CNTN4: variants seen among roughly 807,000 people sequenced by gnomAD.
CNTN4 encodes the protein contactin 4, also known as contactin-4.
In CNTN4, 77 loss-of-function variants were observed where a neutral mutation model predicts 122.5. The observed-to-expected ratio is 0.63, with a 90% CI of 0.52 to 0.76. CNTN4 has a LOEUF of 0.76. CNTN4 is among the 30% of genes least tolerant of loss of function. The pLI is 0.00. For synonymous variants in CNTN4, 512 were observed against 447.0 expected, an observed-to-expected ratio of 1.15 and a Z score of -1.83; for missense variants, 1,256 against 1,259.1, an observed-to-expected ratio of 1.00 and a Z score of 0.04.
chr3:3,006,558 G>T (rs930007601), intron 14 of CNTN4, among the ~76,000 whole-genome samples: 1 of 152,116 alleles, frequency 6.6e-6, no homozygotes, highest in Non-Finnish European at 1.5e-5. Context: ...TCAAGCTAAG[G>T]CCCAATAATT....
At chr3:2,148,299 C>T (rs534132876) in intron 2 of CNTN4, among the ~76,000 whole-genome samples, 6 of 151,954 alleles carry the variant, frequency 3.9e-5, no homozygotes, top group Admixed American at 3.3e-4. Flanking sequence ...TTTGGGAGGC[C>T]TAGGTGAGAG....
At chr3:2,556,814 A>T (rs946754709) in intron 3 of CNTN4, among the ~76,000 whole-genome samples, 1 of 152,138 alleles carries the variant, frequency 6.6e-6, no homozygotes, top group African/African-American at 2.4e-5. Flanking sequence ...GTCCAAACTT[A>T]AGGGTGTGTG....
chr3:2,886,617 TTC>T (rs1353599280), intron 9 of CNTN4, among the ~76,000 whole-genome samples: 3 of 151,004 alleles, frequency 2.0e-5, no homozygotes, highest in Non-Finnish European at 4.4e-5. Context: ...GTTCAAGTGA[TTC>T]TCCTGCCTCA....
chr3:2,654,008 G>A (rs943374267), intron 4 of CNTN4, among the ~76,000 whole-genome samples: 1 of 152,186 alleles, frequency 6.6e-6, no homozygotes, highest in Non-Finnish European at 1.5e-5. Flanking sequence ...TTTTATTGTT[G>A]TTAATTCTTT....
At chr3:2,824,614 C>T (rs571573112) in intron 7 of CNTN4, among the ~76,000 whole-genome samples, 23 of 152,268 alleles carry the variant, frequency 1.5e-4, no homozygotes, top group Admixed American at 5.9e-4. Flanking sequence ...TCACTCAAGC[C>T]GAAGGGCTGA....
chr3:2,302,855 CTG>C (rs1559433269), intron 2 of CNTN4, among the ~76,000 whole-genome samples: 4 of 133,468 alleles, frequency 3.0e-5, no homozygotes, highest in Non-Finnish European at 6.2e-5. Context: ...GCCAAGCACA[CTG>C]TATGTGCTTC....
intron 4 of CNTN4, among the ~76,000 whole-genome samples, chr3:2,623,997 T>C (rs2082086956): frequency 2.0e-5 from 3 of 152,252 alleles, no homozygotes; most frequent in Non-Finnish European, 4.4e-5. Flanking sequence ...TTTGATCAGC[T>C]ACAGTGGCTT....
chr3:2,974,606 G>A (rs1693245716), intron 13 of CNTN4, among the ~76,000 whole-genome samples: 1 of 152,156 alleles, frequency 6.6e-6, no homozygotes, highest in Admixed American at 6.5e-5. Context: ...CATCAATGTG[G>A]CCGAAATGGA....
chr3:2,217,448 G>A (rs907107450), intron 2 of CNTN4, among the ~76,000 whole-genome samples: 3 of 152,156 alleles, frequency 2.0e-5, no homozygotes, highest in African/African-American at 7.2e-5. Context: ...ATTTCATGCT[G>A]TTTGAAACAA....
chr3:2,932,773 G>T (rs1301178080), intron 13 of CNTN4, among the ~76,000 whole-genome samples: 1 of 151,796 alleles, frequency 6.6e-6, no homozygotes, highest in African/African-American at 2.4e-5. Context: ...AGGAGGGAGG[G>T]TGGACAAAGA....
At chr3:2,685,619 T>G (rs1046665367) in intron 4 of CNTN4, among the ~76,000 whole-genome samples, 1 of 152,196 alleles carries the variant, frequency 6.6e-6, no homozygotes, top group East Asian at 1.9e-4. Context: ...TGGTATTGAT[T>G]TAAATGAGAA....
chr3:2,966,550 A>G (rs1286886565), intron 13 of CNTN4, among the ~76,000 whole-genome samples: 15 of 152,222 alleles, frequency 9.9e-5, no homozygotes, highest in Non-Finnish European at 2.9e-5. Context: ...AAGAAAATCT[A>G]TCATTCAATA....
intron 16 of CNTN4, among the ~76,000 whole-genome samples, chr3:3,032,439 G>A (rs1224506346): frequency 6.6e-6 from 1 of 152,138 alleles, no homozygotes; most frequent in Non-Finnish European, 1.5e-5. Context: ...ATTTGCAAAC[G>A]CAGTCTAAAA....
intron 4 of CNTN4, among the ~76,000 whole-genome samples, chr3:2,670,495 G>A (rs984573682): frequency 3.9e-5 from 6 of 152,098 alleles, no homozygotes; most frequent in South Asian, 2.1e-4. Context: ...GTCTCTGCAC[G>A]TGGGATGGGT....
At chr3:2,488,007 A>T (rs1294997348) in intron 3 of CNTN4, among the ~76,000 whole-genome samples, 12 of 152,182 alleles carry the variant, frequency 7.9e-5, no homozygotes, top group Admixed American at 7.9e-4. Flanking sequence ...AGACACTTCT[A>T]GTTTCTCCCT....
chr3:2,816,487 T>G (rs2150204023), intron 6 of CNTN4, among the ~76,000 whole-genome samples: 1 of 152,040 alleles, frequency 6.6e-6, no homozygotes, highest in Non-Finnish European at 1.5e-5. Context: ...TGTATACTGC[T>G]TGGGTGATGG....
chr3:2,174,354 A>G (rs912916938), intron 2 of CNTN4, among the ~76,000 whole-genome samples: 17 of 152,206 alleles, frequency 1.1e-4, no homozygotes, highest in African/African-American at 4.1e-4. Flanking sequence ...AGCATAACAT[A>G]GACTGGGTGG....
chr3:2,806,805 G>A (rs1184956338), intron 6 of CNTN4, among the ~76,000 whole-genome samples: 2 of 152,062 alleles, frequency 1.3e-5, no homozygotes, highest in African/African-American at 2.4e-5. Context: ...TGGCAGCCTC[G>A]ATGGGGGACG....
chr3:2,670,784 G>A (rs1576406647), intron 4 of CNTN4, among the ~76,000 whole-genome samples: 1 of 152,096 alleles, frequency 6.6e-6, no homozygotes, highest in African/African-American at 2.4e-5. Context: ...TTTAGGACAG[G>A]CCTGGTGGTG....
Sources: gnomAD v4.1 joint callset for allele counts (sites outside exome capture counted in the v4.1 genomes callset) on GRCh38, gnomAD v4.1.1 for gene constraint, MANE v1.5 for transcripts, NCBI Gene and HGNC (gene_info 2026-07-23, HGNC 2026-07-21) for gene names.